The following RFX3 variants were observed in gnomAD, a reference collection of about 807,000 sequenced individuals.
RFX3 encodes regulatory factor X3.
A neutral mutation model predicts 98.6 loss-of-function variants in RFX3; 14 were observed. That is an observed-to-expected ratio of 0.14 (90% CI 0.09 to 0.22). The LOEUF is 0.22. Ranked by LOEUF, RFX3 falls within the 10% of genes least tolerant of loss-of-function variation. The pLI, the probability that RFX3 is intolerant of heterozygous loss-of-function variation, is 1.00. For missense variants in RFX3, 639 were observed against 926.9 expected (o/e 0.69, Z 4.03); for synonymous variants, 383 against 328.4 (o/e 1.17, Z -1.80).
At chr9:3,253,732 G>T (rs1157390169) in intron 14 of RFX3, among the ~76,000 whole-genome samples, 1 of 152,090 alleles carries the variant, frequency 6.6e-6, no homozygotes, top group Non-Finnish European at 1.5e-5. Context: ...TTAGAAATTA[G>T]ATTAAGCATC....
intron 1 of RFX3, among the ~76,000 whole-genome samples, chr9:3,505,286 T>A (rs1172851576): frequency 1.6e-5 from 1 of 62,376 alleles, no homozygotes; most frequent in Admixed American, 2.2e-4. Context: ...ATATATACAT[T>A]TTTATATTTA....
At chr9:3,492,425 G>A (rs532150795) in intron 1 of RFX3, among the ~76,000 whole-genome samples, 1 of 152,212 alleles carries the variant, frequency 6.6e-6, no homozygotes, top group Admixed American at 6.5e-5. Context: ...CCTCTGGCCA[G>A]GTACCTCCTT....
chr9:3,437,961 G>A (rs930345701), intron 1 of RFX3, among the ~76,000 whole-genome samples: 7 of 151,988 alleles, frequency 4.6e-5, no homozygotes, highest in South Asian at 4.1e-4. Flanking sequence ...AACTAATGAC[G>A]TATATATTTT....
chr9:3,385,700 A>AAAAG (rs1839639767), intron 2 of RFX3, among the ~76,000 whole-genome samples: 2 of 145,382 alleles, frequency 1.4e-5, no homozygotes, highest in East Asian at 2.0e-4. Context: ...AAAAAAAAAA[A>AAAAG]AAAAGAAAAG....
At chr9:3,468,815 G>GAAAAAAAAAA (rs34057815) in intron 1 of RFX3, among the ~76,000 whole-genome samples, 4 of 84,264 alleles carry the variant, frequency 4.7e-5, no homozygotes, top group Admixed American at 1.2e-4. Context: ...TTTTCCTTTT[G>GAAAAAAAAAA]AAAAAAAAAA....
intron 1 of RFX3, among the ~76,000 whole-genome samples, chr9:3,480,255 C>G (rs1265424907): frequency 1.3e-5 from 2 of 152,200 alleles, no homozygotes; most frequent in Non-Finnish European, 2.9e-5. Context: ...AGCTAGGATA[C>G]TAGCATGGCT....
chr9:3,279,068 T>C (rs973174089), intron 7 of RFX3, among the ~76,000 whole-genome samples: 2 of 151,860 alleles, frequency 1.3e-5, no homozygotes, highest in Non-Finnish European at 2.9e-5. Context: ...AAAAATTTAA[T>C]GTTTTTCTGA....
intron 2 of RFX3, among the ~76,000 whole-genome samples, chr9:3,360,133 T>C (rs1237802598): frequency 6.6e-6 from 1 of 152,162 alleles, no homozygotes; most frequent in Non-Finnish European, 1.5e-5. Context: ...CTATTTGTAC[T>C]ATCTAAGCAC....
intron 4 of RFX3, among the ~76,000 whole-genome samples, chr9:3,309,409 A>T (rs1383848071): frequency 1.3e-5 from 2 of 152,060 alleles, no homozygotes; most frequent in Non-Finnish European, 2.9e-5. Flanking sequence ...CAGGCTGAAA[A>T]CTTCCCCAAT....
At chr9:3,274,515 C>T (rs1454061720) in intron 9 of RFX3, among the ~76,000 whole-genome samples, 1 of 152,068 alleles carries the variant, frequency 6.6e-6, no homozygotes, top group East Asian at 1.9e-4. Context: ...AGCTCACCTC[C>T]CAGACAATGA....
chr9:3,376,680 T>C (rs1443123545), intron 2 of RFX3, among the ~76,000 whole-genome samples: 4 of 152,094 alleles, frequency 2.6e-5, no homozygotes, highest in African/African-American at 7.2e-5. Flanking sequence ...GAGAAAATTT[T>C]TGCAATCTAC....
At chr9:3,281,385 T>C (rs1475822067) in intron 7 of RFX3, among the ~76,000 whole-genome samples, 2 of 151,552 alleles carry the variant, frequency 1.3e-5, no homozygotes, top group Non-Finnish European at 3.0e-5. Context: ...ACAAAAACCT[T>C]CCTGTTGAAT....
At chr9:3,261,430 G>A (rs1822877657) in intron 13 of RFX3, among the ~76,000 whole-genome samples, 1 of 152,038 alleles carries the variant, frequency 6.6e-6, no homozygotes, top group Non-Finnish European at 1.5e-5. Context: ...CTTTCACTTA[G>A]CATCATGTTT....
chr9:3,411,742 C>T (rs1302734998), intron 1 of RFX3, among the ~76,000 whole-genome samples: 1 of 151,666 alleles, frequency 6.6e-6, no homozygotes, highest in Non-Finnish European at 1.5e-5. Context: ...CCTCCTGCCT[C>T]GGCCTCCCAA....
intron 3 of RFX3, 60 bp downstream of exon 3, chr9:3,346,607 A>G: frequency 9.2e-7 from 1 of 1,089,870 alleles, no homozygotes; most frequent in Non-Finnish European, 1.4e-6. Context: ...GGAGGTGTTC[A>G]AAAGTACATT....
chr9:3,498,979 T>A (rs193058730), intron 1 of RFX3, among the ~76,000 whole-genome samples: 117 of 152,212 alleles, frequency 7.7e-4, no homozygotes, highest in African/African-American at 2.7e-3. Context: ...TCAGGAGTGA[T>A]TGGCCTACAA....
At chr9:3,311,977 C>G (rs1015043587) in intron 4 of RFX3, among the ~76,000 whole-genome samples, 2 of 152,126 alleles carry the variant, frequency 1.3e-5, no homozygotes, top group African/African-American at 4.8e-5. Flanking sequence ...ATTGTAAATG[C>G]TCTAACCTCC....
chr9:3,239,646 T>C (rs1819648392), intron 15 of RFX3, among the ~76,000 whole-genome samples: 1 of 152,248 alleles, frequency 6.6e-6, no homozygotes, highest in South Asian at 2.1e-4. Context: ...TTAGTTGCCT[T>C]TGAAGAGAAA....
intron 4 of RFX3, among the ~76,000 whole-genome samples, chr9:3,326,095 T>G (rs1222161969): frequency 6.6e-6 from 1 of 152,114 alleles, no homozygotes; most frequent in Non-Finnish European, 1.5e-5. Flanking sequence ...AATTGCTATT[T>G]AATATTATCC....
Sources: gnomAD v4.1 joint callset for allele counts (sites outside exome capture counted in the v4.1 genomes callset) on GRCh38, gnomAD v4.1.1 for gene constraint, MANE v1.5 for transcripts, NCBI Gene and HGNC (gene_info 2026-07-23, HGNC 2026-07-21) for gene names.